DCC: variants seen among roughly 807,000 people sequenced by gnomAD.
DCC encodes netrin receptor DCC.
In DCC, 58 loss-of-function variants were observed where a neutral mutation model predicts 172.5. That is an observed-to-expected ratio of 0.34 (90% CI 0.27 to 0.42). The LOEUF (loss-of-function observed/expected upper bound fraction) is 0.42. DCC is among the 10% of genes least tolerant of loss of function. The pLI is 1.00. For missense variants in DCC, 1,740 were observed against 1,791.0 expected (o/e 0.97, Z 0.51); for synonymous variants, 709 against 644.5 (o/e 1.10, Z -1.52).
At chr18:52,679,263 A>G (rs1369589357) in intron 1 of DCC, among the ~76,000 whole-genome samples, 2 of 152,070 alleles carry the variant, frequency 1.3e-5, no homozygotes, top group Non-Finnish European at 2.9e-5. Context: ...AATTTTAGAT[A>G]TTAAAAAAGA....
At chr18:52,639,703 A>G (rs1174483265) in intron 1 of DCC, among the ~76,000 whole-genome samples, 1 of 152,068 alleles carries the variant, frequency 6.6e-6, no homozygotes, top group Non-Finnish European at 1.5e-5. Context: ...AACGAGCAGC[A>G]AGACTGAAAT....
chr18:53,141,718 T>A (rs2043832936), intron 7 of DCC, among the ~76,000 whole-genome samples: 1 of 152,216 alleles, frequency 6.6e-6, no homozygotes, highest in African/African-American at 2.4e-5. Context: ...TTTTGTAGCT[T>A]TCTTGTGGTA....
At chr18:52,907,510 A>G (rs965895794) in intron 3 of DCC, among the ~76,000 whole-genome samples, 1 of 151,864 alleles carries the variant, frequency 6.6e-6, no homozygotes, top group Non-Finnish European at 1.5e-5. Context: ...TCAACTTCCC[A>G]GTCTCAGGTG....
chr18:53,327,527 C>A (rs1035116788), intron 14 of DCC, among the ~76,000 whole-genome samples: 2 of 152,160 alleles, frequency 1.3e-5, no homozygotes, highest in African/African-American at 4.8e-5. Context: ...AATCGACTCT[C>A]TACCCTGAAG....
chr18:53,022,517 G>C (rs2041894752), intron 5 of DCC, among the ~76,000 whole-genome samples: 2 of 147,652 alleles, frequency 1.4e-5, no homozygotes, highest in East Asian at 2.0e-4. Context: ...ACATATATAT[G>C]TTCAGTATTT....
At chr18:53,477,967 T>C (rs961992326) in intron 25 of DCC, among the ~76,000 whole-genome samples, 1 of 152,238 alleles carries the variant, frequency 6.6e-6, no homozygotes. Context: ...TAAATGCTGT[T>C]TCTTACTATA....
intron 12 of DCC, among the ~76,000 whole-genome samples, chr18:53,274,789 C>G (rs1360054800): frequency 6.6e-6 from 1 of 152,044 alleles, no homozygotes; most frequent in Non-Finnish European, 1.5e-5. Flanking sequence ...AGTGTGGTCT[C>G]TTGGCCAGAA....
Position 52,991,071 on chromosome 18 carries a change from G to C in DCC, c.985+65701G>C, listed in dbSNP as rs560344136. The stretch of plus-strand genomic sequence containing the variant: ...AAGCCCAAGGATTTACATTAGTGCA[G>C]ATAAAATTTGTCAAAGCTTACCTAC... On this transcript the variant is annotated intron_variant, in intron 5 of 28. Transcript: ENST00000442544. Among the ~76,000 whole-genome samples, 7 of 152,280 alleles carry C rather than the reference G, an allele frequency of 4.6e-5. No individual in the cohort carries two copies. The East Asian group carries it at 7.7e-4, about 17-fold the overall frequency.
chr18:53,123,794 C>T (rs1598825252), intron 7 of DCC, among the ~76,000 whole-genome samples: 1 of 152,176 alleles, frequency 6.6e-6, no homozygotes, highest in South Asian at 2.1e-4. Context: ...GATTATGGCA[C>T]TTCAACGTGT....
At chr18:52,405,747 C>G (rs374532113) in intron 1 of DCC, among the ~76,000 whole-genome samples, 54,017 of 150,362 alleles carry the variant, frequency 0.36, 10,002 homozygotes, top group Non-Finnish European at 0.42. Flanking sequence ...CCATACTGCC[C>G]AAGGTAATTT....
chr18:53,236,369 C>CT (rs2056202978), intron 12 of DCC, among the ~76,000 whole-genome samples: 1 of 151,938 alleles, frequency 6.6e-6, no homozygotes, highest in African/African-American at 2.4e-5. Flanking sequence ...TTTGAAGATT[C>CT]TTTTTTGCAC....
At chr18:52,351,545 C>T (rs1337766780) in intron 1 of DCC, among the ~76,000 whole-genome samples, 1 of 151,940 alleles carries the variant, frequency 6.6e-6, no homozygotes, top group Admixed American at 6.6e-5. Context: ...GAAAAGTGTA[C>T]AGAGCTAGAA....
intron 1 of DCC, among the ~76,000 whole-genome samples, chr18:52,469,246 T>G (rs544492250): frequency 4.1e-4 from 62 of 152,100 alleles, no homozygotes; most frequent in African/African-American, 1.5e-3. Flanking sequence ...TTAGTAGAGA[T>G]GATGTTTCAC....
At chr18:52,662,525 G>A (rs2035378270) in intron 1 of DCC, among the ~76,000 whole-genome samples, 1 of 126,044 alleles carries the variant, frequency 7.9e-6, no homozygotes. Flanking sequence ...AGGGAGGGTG[G>A]GAGGGAGGAA....
intron 1 of DCC, among the ~76,000 whole-genome samples, chr18:52,565,170 C>T (rs917508573): frequency 1.3e-4 from 20 of 152,140 alleles, no homozygotes; most frequent in Middle Eastern, 3.4e-3. Context: ...ACAAATAAAA[C>T]CCTGTCTCTG....
chr18:53,013,347 C>T (rs555211484), intron 5 of DCC, among the ~76,000 whole-genome samples: 1 of 152,146 alleles, frequency 6.6e-6, no homozygotes, highest in East Asian at 1.9e-4. Context: ...CACATATATA[C>T]CATGGAATAC....
At chr18:52,825,791 T>G (rs1345776057) in intron 2 of DCC, among the ~76,000 whole-genome samples, 4 of 152,208 alleles carry the variant, frequency 2.6e-5, no homozygotes, top group African/African-American at 7.2e-5. Context: ...TTTCAAAAAT[T>G]TCCATATATG....
At chr18:53,433,366 T>C (rs967558604) in intron 21 of DCC, among the ~76,000 whole-genome samples, 2 of 152,142 alleles carry the variant, frequency 1.3e-5, no homozygotes, top group African/African-American at 4.8e-5. Context: ...GAAACTTCAT[T>C]AAAAAGACAT....
chr18:53,071,931 C>T lies in DCC; in HGVS notation c.1261+5765C>T, dbSNP rs538457631. On this transcript the variant is annotated intron_variant, in intron 7 of 28. Transcript: ENST00000442544. ...ATCACCTGAGGTCAGGAGTTTGAGACCAAACTGGCCAACATGGAGAAACCC... is the reference window on the plus strand; with the variant it reads ...ATCACCTGAGGTCAGGAGTTTGAGATCAAACTGGCCAACATGGAGAAACCC... Among the ~76,000 whole-genome samples the T allele has an allele frequency of 6.6e-5, 10 of 152,130 alleles. No homozygotes were observed. In the East Asian group the frequency reaches 1.9e-3, roughly 30 times the overall value.
Sources: gnomAD v4.1 joint callset for allele counts (sites outside exome capture counted in the v4.1 genomes callset) on GRCh38, gnomAD v4.1.1 for gene constraint, MANE v1.5 for transcripts, NCBI Gene and HGNC (gene_info 2026-07-23, HGNC 2026-07-21) for gene names.